Variants in TSLP observed in about 807,000 individuals in gnomAD.
TSLP encodes the protein thymic stroma-derived lymphopoietin.
TSLP carries 12 observed loss-of-function variants against 12.4 expected under a neutral mutation model. The observed-to-expected ratio is 0.97, with a 90% CI of 0.62 to 1.57. The LOEUF (loss-of-function observed/expected upper bound fraction) is 1.57, where lower values mean the gene tolerates loss of function less well. Ranked by LOEUF, TSLP falls within the 40% of genes most tolerant of loss-of-function variation. The pLI is 0.00. For missense variants in TSLP, 222 were observed against 189.6 expected, an observed-to-expected ratio of 1.17 and a Z score of -1.00; for synonymous variants, 97 against 69.5, an observed-to-expected ratio of 1.40 and a Z score of -1.97.
chr5:111,074,692 A>AC (rs1266725907), intron 3 of TSLP, among the ~76,000 whole-genome samples: 1 of 140,502 alleles, frequency 7.1e-6, no homozygotes, highest in Non-Finnish European at 1.5e-5. Flanking sequence ...ATGCAGTGGC[A>AC]CGATCTCAGC....
At chr5:111,073,689 C>T (rs1245859228) in intron 3 of TSLP, 44 bp downstream of exon 3, 1 of 1,579,950 alleles carries the variant, frequency 6.3e-7, no homozygotes, top group Non-Finnish European at 8.6e-7. Context: ...TGGGGCTAAC[C>T]TCAAATTAAA....
intron 3 of TSLP, among the ~76,000 whole-genome samples, chr5:111,074,011 A>T (rs1296899426): frequency 1.3e-5 from 2 of 152,178 alleles, no homozygotes; most frequent in Non-Finnish European, 2.9e-5. Context: ...AAAATCTCAG[A>T]TTATGGGGCT....
chr5:111,072,664 G>C (rs1210840860), intron 1 of TSLP, among the ~76,000 whole-genome samples: 4 of 152,110 alleles, frequency 2.6e-5, no homozygotes, highest in Non-Finnish European at 4.4e-5. Context: ...GAAGGGAGGG[G>C]GGAGGTCGCC....
chr5:111,073,268 G>C (rs978732479), intron 2 of TSLP: 16 of 1,412,216 alleles, frequency 1.1e-5, no homozygotes, highest in Admixed American at 3.1e-5. Flanking sequence ...AGACTTGGGA[G>C]GAGCGAGCGT....
At position 111,076,928 on chromosome 5, in the gene TSLP, C is replaced by T. The variant is rs1752525483; in HGVS notation, c.*854C>T. The T allele has an allele frequency of 6.6e-6, 1 of 152,170 alleles. No individual in the cohort carries two copies. The highest frequency in any genetic ancestry group is 2.1e-4 in the South Asian group (1 of 4,822). 9.4% of individuals were successfully genotyped at this position (152,170 alleles called of 1,614,324 possible). A position where few individuals can be genotyped will look rare whatever the true frequency, so the allele number is the denominator to read the frequency against. On this transcript the variant is annotated 3_prime_UTR_variant, in exon 4 of 4. Transcript: ENST00000344895. ...GACTGCTCCCCTTTATACCTGTTGG[C>T]CCTGCCTATAGGAGAGAATATTTGG...
At chr5:111,071,356 A>G, upstream of TSLP, 2 of 1,288,508 alleles carry the variant, frequency 1.6e-6, no homozygotes, top group Non-Finnish European at 2.1e-6. Context: ...GACATATGCA[A>G]GGACTCCAAA....
chr5:111,076,056 T>G lies in TSLP; in HGVS notation c.462T>G (p.Pro154=), dbSNP rs1752497838. The change falls in exon 4 of 4, where the codon CCT becomes CCG. Residue 154 remains proline (P), a synonymous_variant. Coordinates refer to ENST00000344895, the MANE Select transcript of TSLP (RefSeq NM_033035.5). ...LQGLWRRFNR[P]LLKQQ is the part of the protein sequence containing the mutation. ...GATTGTGGCGTCGCTTCAATCGACC[T>G]TTACTGAAACAACAGTAAACCATCT... The G allele has an allele frequency of 1.9e-6, 3 of 1,614,092 alleles. No individual in the cohort carries two copies.
rs1277157567 is a variant in TSLP at position 111,077,937 on chromosome 5, TG to T, written c.*1864del. The T allele has an allele frequency of 6.6e-6, 1 of 152,620 alleles. No homozygotes were observed. Among genetic ancestry groups the T allele is most frequent in the Non-Finnish European group, 1.5e-5 (1 of 68,034 alleles). 9.5% of individuals were successfully genotyped at this position (152,620 alleles called of 1,614,324 possible). A position where few individuals can be genotyped will look rare whatever the true frequency, so the allele number is the denominator to read the frequency against. On this transcript the variant is annotated 3_prime_UTR_variant, in exon 4 of 4. Transcript: ENST00000344895. ...GATCATACATCTCTGGTTTTTTAAATGTATTGAGGCTTTCTTGGTGGACTAG... is the reference window on the plus strand; with the variant it reads ...GATCATACATCTCTGGTTTTTTAAATTATTGAGGCTTTCTTGGTGGACTAG...
At position 111,072,019 on chromosome 5, in the gene TSLP, T is replaced by C. The variant is rs1329597723; in HGVS notation, c.129T>C (p.Tyr43=). The part of the protein sequence containing the change: ...NCDFEKIKAA[Y]LSTISKDLIT... ...ACTTTGAGAAGATTAAAGCAGCCTATCTCAGTACTATTTCTAAAGACCTGA... is the reference window on the plus strand; with the variant it reads ...ACTTTGAGAAGATTAAAGCAGCCTACCTCAGTACTATTTCTAAAGACCTGA... The change falls in exon 1 of 4, where the codon TAT becomes TAC. Residue 43 remains tyrosine, a synonymous_variant. Coordinates refer to ENST00000344895, the MANE Select transcript of TSLP (RefSeq NM_033035.5). The C allele has an allele frequency of 4.3e-6, 7 of 1,614,086 alleles. No individual in the cohort carries two copies. Among genetic ancestry groups the C allele is most frequent in the African/African-American group, 1.3e-5 (1 of 74,942 alleles).
At position 111,076,002 on chromosome 5, in the gene TSLP, A is replaced by G. The variant is rs146834103; in HGVS notation, c.408A>G (p.Lys136=). Residue 136 remains lysine (K), a synonymous_variant, in exon 4 of 4, where the codon AAA becomes AAG. Coordinates refer to ENST00000344895, the MANE Select transcript of TSLP (RefSeq NM_033035.5). ...KRRKRKVTTN[K]CLEQVSQLQG... is the part of the protein sequence containing the mutation. ...GAAAAAGGAAAGTCACAACCAATAA[A>G]TGTCTGGAACAAGTGTCACAATTAC... is the stretch of plus-strand genomic sequence containing the variant. 3.7e-5 allele frequency: 60 copies of G among 1,614,136 alleles called. No homozygotes were observed. Among genetic ancestry groups the G allele is most frequent in the Non-Finnish European group, 4.6e-5 (54 of 1,179,998 alleles).
chr5:111,073,328 C>T, intron 2 of TSLP, 183 bp from the exon 3 acceptor site: 3 of 1,444,442 alleles, frequency 2.1e-6, no homozygotes, highest in South Asian at 1.5e-5. Flanking sequence ...TCGCCACGCC[C>T]CTGCTCCCCC....
intron 2 of TSLP, 25 bp from the exon 3 acceptor site, chr5:111,073,486 C>T: frequency 3.1e-6 from 5 of 1,613,604 alleles, no homozygotes; most frequent in Non-Finnish European, 4.2e-6. Flanking sequence ...CTCCTTTTCT[C>T]GTAAACTTTG....
intron 3 of TSLP, among the ~76,000 whole-genome samples, chr5:111,074,366 G>A (rs1752432320): frequency 6.6e-6 from 1 of 152,078 alleles, no homozygotes; most frequent in South Asian, 2.1e-4. Context: ...TAGCTTCATG[G>A]GTAAAGTAAG....
upstream of TSLP, chr5:111,071,329 A>T: frequency 1.1e-6 from 1 of 950,632 alleles, no homozygotes; most frequent in Non-Finnish European, 1.5e-6. Flanking sequence ...ATGCTCAAAG[A>T]TGTTCAGAAT....
At position 111,073,492 on chromosome 5, in the gene TSLP, C is replaced by T. The variant is rs780492926; in HGVS notation, c.217-19C>T. On this transcript the variant is annotated intron_variant, in intron 2 of 3. Coordinates refer to ENST00000344895, the MANE Select transcript of TSLP (RefSeq NM_033035.5). ...TGGTGTTTTCTCCTTTTCTCGTAAA[C>T]TTTGCCGCCTATGAGCAGCCACATT... The T allele has an allele frequency of 6.2e-7, 1 of 1,613,610 alleles. No individual in the cohort carries two copies. The highest frequency in any genetic ancestry group is 8.5e-7 in the Non-Finnish European group (1 of 1,179,856).
intron 2 of TSLP, chr5:111,073,293 T>A: frequency 1.4e-6 from 2 of 1,421,048 alleles, no homozygotes. Context: ...GACAGTCTTT[T>A]CGCGACGAGT....
chr5:111,074,746 A>G (rs572547939), intron 3 of TSLP, among the ~76,000 whole-genome samples: 1 of 150,716 alleles, frequency 6.6e-6, no homozygotes, highest in African/African-American at 2.4e-5. Context: ...CAGCCTCCCG[A>G]GTAGCTGGAA....
intron 2 of TSLP, chr5:111,073,287 G>C: frequency 7.0e-7 from 1 of 1,420,654 alleles, no homozygotes; most frequent in Non-Finnish European, 9.1e-7. Flanking sequence ...GTGGGTGACA[G>C]TCTTTTCGCG....
intron 1 of TSLP, 64 bp downstream of exon 1, chr5:111,072,125 C>G (rs946362108): frequency 8.2e-6 from 11 of 1,341,786 alleles, no homozygotes; most frequent in African/African-American, 1.5e-5. Context: ...TACACACACT[C>G]TACAATTTAA....
Sources: allele counts gnomAD v4.1 joint callset (sites outside exome capture counted in the v4.1 genomes callset), GRCh38; gene constraint gnomAD v4.1.1; transcripts MANE v1.5; gene names NCBI Gene and HGNC (gene_info 2026-07-23, HGNC 2026-07-21).